RBFOX1: variants seen among roughly 807,000 people sequenced by gnomAD.
The protein encoded by RBFOX1 is RNA binding fox-1 homolog 1, also known as RNA binding protein fox-1 homolog 1.
In RBFOX1, 8 loss-of-function variants were observed where a neutral mutation model predicts 57.7. The ratio of observed to expected loss-of-function variants is 0.14; its 90% confidence interval spans 0.08 to 0.25. RBFOX1 has a LOEUF of 0.25. RBFOX1 is among the 10% of genes least tolerant of loss of function. The probability of loss-of-function intolerance (pLI) is 1.00; values close to 1 mark genes in which losing one functional copy is unlikely to be tolerated. For missense variants in RBFOX1, 611 were observed against 548.5 expected (o/e 1.11, Z -1.14); for synonymous variants, 326 against 222.4 (o/e 1.47, Z -4.15).
At chr16:6,224,300 A>T (rs7198628) in intron 1 of RBFOX1, among the ~76,000 whole-genome samples, 145,412 of 151,972 alleles carry the variant, frequency 0.96, 69,858 homozygotes, top group East Asian at 1. Context: ...CTTGGGCAGT[A>T]TGGCCATTTT....
At chr16:7,101,645 CT>C (rs958656282) in intron 4 of RBFOX1, among the ~76,000 whole-genome samples, 1 of 152,054 alleles carries the variant, frequency 6.6e-6, no homozygotes, top group Non-Finnish European at 1.5e-5. Flanking sequence ...TTCAAAGGTA[CT>C]TTTTTTGAAG....
At position 7,653,842 on chromosome 16, in the gene RBFOX1, C is replaced by T. The variant is rs751724572; in HGVS notation, c.785C>T (p.Thr262Ile). The T allele has an allele frequency of 1.2e-6, 2 of 1,607,100 alleles. No homozygotes were observed. The highest frequency in any genetic ancestry group is 1.7e-5 in the Admixed American group (1 of 59,978). Residue 262 changes from threonine (T) to isoleucine (I), a missense_variant, in exon 12 of 16, where the codon ACC (threonine) becomes ATC (isoleucine). Physicochemically the swap from Thr to Ile is moderately conservative, Grantham distance 89. Around this residue, in one of 3 missense-constraint regions of RBFOX1, gnomAD observed 267 missense variants for 229.1 expected, o/e 1.17. Coordinates refer to ENST00000550418, the MANE Select transcript of RBFOX1 (RefSeq NM_018723.4). Reference protein sequence around the residue: ...AMPGFPYPAATAAAAYRGAHL... With the variant: ...AMPGFPYPAAIAAAAYRGAHL... Reference sequence around the variant, plus strand: ...CCAGGCTTCCCGTATCCAGCAGCCACCGCCGCGGCCGCCTACCGAGGGGCG... The same window carrying T: ...CCAGGCTTCCCGTATCCAGCAGCCATCGCCGCGGCCGCCTACCGAGGGGCG...
intron 4 of RBFOX1, among the ~76,000 whole-genome samples, chr16:7,236,296 C>G (rs1188306712): frequency 1.3e-5 from 2 of 152,076 alleles, no homozygotes; most frequent in African/African-American, 4.8e-5. Context: ...TATTTAACAC[C>G]ATATTGTTTC....
chr16:6,869,297 A>C (rs1026773551), intron 3 of RBFOX1, among the ~76,000 whole-genome samples: 7 of 152,176 alleles, frequency 4.6e-5, no homozygotes, highest in Non-Finnish European at 1.0e-4. Context: ...GTAAATACTT[A>C]TTATATCTTG....
chr16:6,575,790 G>A (rs1437365958), intron 2 of RBFOX1, among the ~76,000 whole-genome samples: 2 of 151,492 alleles, frequency 1.3e-5, no homozygotes, highest in East Asian at 3.9e-4. Context: ...CCAGGAGGTG[G>A]AGGTTGTAGT....
chr16:7,546,726 G>T (rs1008294614), intron 5 of RBFOX1, among the ~76,000 whole-genome samples: 1 of 152,104 alleles, frequency 6.6e-6, no homozygotes, highest in African/African-American at 2.4e-5. Flanking sequence ...TTTCTCTGAT[G>T]GCTTCTTTGT....
chr16:6,010,541 C>G (rs1393820097), intron 4 of RBFOX1, among the ~76,000 whole-genome samples: 1 of 152,250 alleles, frequency 6.6e-6, no homozygotes, highest in Non-Finnish European at 1.5e-5. Context: ...CTCCCCAGTT[C>G]ACTACTGACA....
intron 3 of RBFOX1, among the ~76,000 whole-genome samples, chr16:5,821,232 G>C (rs1262152542): frequency 6.6e-6 from 1 of 152,010 alleles, no homozygotes; most frequent in African/African-American, 2.4e-5. Flanking sequence ...ACTACTACTA[G>C]GCTGGCCACT....
At chr16:5,805,702 A>T (rs2055203344) in intron 3 of RBFOX1, among the ~76,000 whole-genome samples, 1 of 152,236 alleles carries the variant, frequency 6.6e-6, no homozygotes, top group African/African-American at 2.4e-5. Flanking sequence ...GGGCTATAGG[A>T]AGGGTTGCCT....
intron 4 of RBFOX1, among the ~76,000 whole-genome samples, chr16:7,206,551 A>C (rs1379283163): frequency 1.3e-5 from 2 of 152,012 alleles, no homozygotes. Flanking sequence ...TTGCTGCAAT[A>C]CCATTCCCTC....
chr16:5,883,271 G>A (rs1335461448), intron 4 of RBFOX1, among the ~76,000 whole-genome samples: 1 of 152,064 alleles, frequency 6.6e-6, no homozygotes, highest in Non-Finnish European at 1.5e-5. Flanking sequence ...TTATATTTCA[G>A]ATATATTTTA....
rs186768239 is a variant in RBFOX1, at chr16:6,428,791, A to G, written c.-64+111734A>G. On this transcript the variant is annotated intron_variant, in intron 2 of 15. Coordinates refer to ENST00000550418, the MANE Select transcript of RBFOX1 (RefSeq NM_018723.4). The stretch of plus-strand genomic sequence containing the variant: ...AATCATTTTTATTCTATATAATACA[A>G]GAAGTTCAATTTTTGAGTCAAAATG... Among the ~76,000 whole-genome samples the G allele has an allele frequency of 4.6e-5, 7 of 152,400 alleles. No homozygotes were observed. The East Asian group carries it at 1.2e-3, about 25-fold the overall frequency.
intron 1 of RBFOX1, among the ~76,000 whole-genome samples, chr16:6,176,991 A>G (rs1489436789): frequency 6.6e-6 from 1 of 152,158 alleles, no homozygotes; most frequent in African/African-American, 2.4e-5. Flanking sequence ...AATGGATGGT[A>G]ACCATTCCAA....
At chr16:7,366,648 T>C (rs964600883) in intron 4 of RBFOX1, among the ~76,000 whole-genome samples, 2 of 106,268 alleles carry the variant, frequency 1.9e-5, no homozygotes, top group Non-Finnish European at 3.5e-5. Context: ...ATAGTTTTCT[T>C]TTTTTTTTTT....
At chr16:7,604,499 TTTTC>T (rs1338314454) in intron 9 of RBFOX1, among the ~76,000 whole-genome samples, 1 of 152,216 alleles carries the variant, frequency 6.6e-6, no homozygotes, top group Non-Finnish European at 1.5e-5. Context: ...GTATCATTTA[TTTTC>T]TTTATTTTTT....
At chr16:7,074,617 C>G (rs530950071) in intron 4 of RBFOX1, among the ~76,000 whole-genome samples, 2 of 152,144 alleles carry the variant, frequency 1.3e-5, no homozygotes, top group South Asian at 4.2e-4. Context: ...AATTGGATTT[C>G]TGAATGGAGA....
intron 4 of RBFOX1, among the ~76,000 whole-genome samples, chr16:7,369,995 CCAGAATT>C (rs1357290369): frequency 2.0e-5 from 3 of 152,116 alleles, no homozygotes; most frequent in Non-Finnish European, 4.4e-5. Flanking sequence ...CTTTCTGATC[CCAGAATT>C]CATACTTTTT....
intron 4 of RBFOX1, among the ~76,000 whole-genome samples, chr16:5,956,484 A>G (rs985868233): frequency 2.0e-5 from 3 of 151,524 alleles, no homozygotes; most frequent in African/African-American, 7.3e-5. Context: ...AATTTACATG[A>G]ATGCCCTGGA....
intron 1 of RBFOX1, among the ~76,000 whole-genome samples, chr16:5,268,283 A>G (rs1327482861): frequency 6.6e-6 from 1 of 152,128 alleles, no homozygotes; most frequent in South Asian, 2.1e-4. Flanking sequence ...AATTCTGCAA[A>G]ATTTGCCGTA....
Sources: allele counts gnomAD v4.1 joint callset (sites outside exome capture counted in the v4.1 genomes callset), GRCh38; gene constraint gnomAD v4.1.1; regional missense constraint gnomAD v4.1.1; transcripts MANE v1.5; gene names NCBI Gene and HGNC (gene_info 2026-07-23, HGNC 2026-07-21).